Variants in HMGN5 observed in about 807,000 individuals in gnomAD.
HMGN5 encodes high mobility group nucleosome-binding domain-containing protein 5.
HMGN5 carries 4 observed loss-of-function variants against 9.5 expected under a neutral mutation model. The observed-to-expected ratio is 0.42, with a 90% confidence interval of 0.21 to 0.96. The LOEUF is 0.96. Ranked by LOEUF, HMGN5 falls within the 40% of genes least tolerant of loss-of-function variation. The probability of loss-of-function intolerance (pLI) is 0.30; values close to 1 mark genes in which losing one functional copy is unlikely to be tolerated. For missense variants in HMGN5, 192 were observed against 187.5 expected, an observed-to-expected ratio of 1.02 and a Z score of -0.14; for synonymous variants, 55 against 57.1, an observed-to-expected ratio of 0.96 and a Z score of 0.16.
chrX:81,163,492 C>T (rs1337462895), intron 1 of HMGN5, among the ~76,000 whole-genome samples: 1 of 111,970 alleles, frequency 8.9e-6, no homozygotes, highest in Admixed American at 9.5e-5. Flanking sequence ...TTCTACTGGA[C>T]AGTTCTGGCT....
intron 1 of HMGN5, among the ~76,000 whole-genome samples, chrX:81,198,039 G>A (rs749881829): frequency 9.0e-6 from 1 of 111,348 alleles, no homozygotes; most frequent in Non-Finnish European, 1.9e-5. Context: ...GGTGAAGAAA[G>A]AAACAGGAAG....
At chrX:81,189,587 T>C (rs750302173) in intron 1 of HMGN5, among the ~76,000 whole-genome samples, 24 of 112,420 alleles carry the variant, frequency 2.1e-4, no homozygotes, top group Non-Finnish European at 4.1e-4. Context: ...TATCTAATAA[T>C]ATTTCATTTT....
At chrX:81,169,181 T>A (rs948258634) in intron 1 of HMGN5, among the ~76,000 whole-genome samples, 1 of 111,580 alleles carries the variant, frequency 9.0e-6, no homozygotes, top group Admixed American at 9.6e-5. Context: ...ATTTGAAACC[T>A]GGATAATAGC....
At chrX:81,181,804 T>C (rs2075463659) in intron 1 of HMGN5, among the ~76,000 whole-genome samples, 1 of 112,321 alleles carries the variant, frequency 8.9e-6, no homozygotes, top group Non-Finnish European at 1.9e-5. Flanking sequence ...GACTGAATAG[T>C]AGTCAGTTGT....
chrX:81,198,086 GC>G (rs2075514404), intron 1 of HMGN5, among the ~76,000 whole-genome samples: 1 of 111,612 alleles, frequency 9.0e-6, no homozygotes, highest in African/African-American at 3.3e-5. Flanking sequence ...CATGATGATT[GC>G]AGCAGGTAGT....
chrX:81,187,710 T>C (rs2075481463), intron 1 of HMGN5, among the ~76,000 whole-genome samples: 1 of 112,108 alleles, frequency 8.9e-6, no homozygotes, highest in Non-Finnish European at 1.9e-5. Flanking sequence ...GTGTTATTGT[T>C]GATTGTAAAG....
At chrX:81,186,256 T>TA (rs2075477127) in intron 1 of HMGN5, among the ~76,000 whole-genome samples, 3 of 111,954 alleles carry the variant, frequency 2.7e-5, no homozygotes, top group Non-Finnish European at 1.9e-5. Flanking sequence ...TTTTCTTTAC[T>TA]AAAAATCTTT....
chrX:81,180,003 T>C (rs1398871051), intron 1 of HMGN5, among the ~76,000 whole-genome samples: 2 of 111,697 alleles, frequency 1.8e-5, no homozygotes, highest in Middle Eastern at 4.6e-3. Flanking sequence ...TAGCCATATG[T>C]AGAAAGCTGA....
intron 1 of HMGN5, among the ~76,000 whole-genome samples, chrX:81,141,196 C>G (rs1037049826): frequency 9.0e-6 from 1 of 111,702 alleles, no homozygotes; most frequent in African/African-American, 3.3e-5. Flanking sequence ...TCCCTGACTC[C>G]CAGATAGCAC....
intron 1 of HMGN5, among the ~76,000 whole-genome samples, chrX:81,195,810 C>T (rs2075506498): frequency 8.9e-6 from 1 of 112,100 alleles, no homozygotes; most frequent in African/African-American, 3.2e-5. Flanking sequence ...TTCTATCCCT[C>T]TGCTGGAATT....
intron 1 of HMGN5, among the ~76,000 whole-genome samples, chrX:81,162,259 A>T (rs1475779682): frequency 1.8e-5 from 2 of 110,130 alleles, no homozygotes; most frequent in South Asian, 3.9e-4. Context: ...TGGTACACAG[A>T]AAATTTTTCA....
At chrX:81,184,403 G>A (rs1200651500) in intron 1 of HMGN5, among the ~76,000 whole-genome samples, 1 of 111,547 alleles carries the variant, frequency 9.0e-6, no homozygotes, top group Non-Finnish European at 1.9e-5. Context: ...CATGCTTCCT[G>A]TATGGCCTTC....
chrX:81,155,888 TAAC>T (rs2075381769), intron 1 of HMGN5, among the ~76,000 whole-genome samples: 2 of 111,462 alleles, frequency 1.8e-5, no homozygotes, highest in African/African-American at 3.3e-5. Flanking sequence ...TCTTAGAACT[TAAC>T]ACACACACAC....
intron 1 of HMGN5, among the ~76,000 whole-genome samples, chrX:81,187,547 A>G (rs895496270): frequency 9.0e-6 from 1 of 110,875 alleles, no homozygotes; most frequent in African/African-American, 3.3e-5. Flanking sequence ...TTCCATTGGT[A>G]TGGAATATAT....
At chrX:81,195,091 G>C (rs187517709) in intron 1 of HMGN5, 1 of 111,154 alleles carries the variant, frequency 9.0e-6, no homozygotes, top group African/African-American at 3.3e-5. Flanking sequence ...TATATAAAGG[G>C]GAATTTATTA....
intron 1 of HMGN5, among the ~76,000 whole-genome samples, chrX:81,135,703 G>T (rs2075309340): frequency 9.0e-6 from 1 of 110,548 alleles, no homozygotes; most frequent in South Asian, 3.9e-4. Context: ...GGGGAATGAA[G>T]AGTAACTGCT....
chrX:81,132,642 T>C (rs940319185), intron 1 of HMGN5, among the ~76,000 whole-genome samples: 4 of 111,713 alleles, frequency 3.6e-5, no homozygotes, highest in African/African-American at 1.3e-4. Flanking sequence ...TTGCTAGCGA[T>C]ACTCAGAAGA....
At position 81,157,467 on chromosome X, in the gene HMGN5, G is replaced by A. The variant is rs761993584; in HGVS notation, c.-123-35795C>T. On this transcript the variant is annotated intron_variant, in intron 1 of 6. Transcript: ENST00000358130. ...TAACAGTTGTTCACATAAAAGTGTC[G>A]AAAGCGTTTCCTTGAATGTCATGGT... 1.5e-4 allele frequency among the ~76,000 whole-genome samples: 17 copies of A among 111,621 alleles called. No individual in the cohort carries two copies. The East Asian group carries it at 2.0e-3, about 13-fold the overall frequency.
chrX:81,178,723 C>A (rs1329606605), intron 1 of HMGN5, among the ~76,000 whole-genome samples: 1 of 111,495 alleles, frequency 9.0e-6, no homozygotes, highest in African/African-American at 3.3e-5. Context: ...CATCTTGATA[C>A]CAAAGCCTGG....
Sources: gnomAD v4.1 joint callset for allele counts (sites outside exome capture counted in the v4.1 genomes callset) on GRCh38, gnomAD v4.1.1 for gene constraint, MANE v1.5 for transcripts, NCBI Gene and HGNC (gene_info 2026-07-23, HGNC 2026-07-21) for gene names.